Variants in BMPR1B observed in about 807,000 individuals in gnomAD.
BMPR1B encodes the protein bone morphogenetic protein receptor type-1B.
Under a neutral mutation model 59.1 loss-of-function variants are expected in BMPR1B, and 12 were observed. The ratio of observed to expected loss-of-function variants is 0.20; its 90% CI spans 0.13 to 0.33. BMPR1B has a LOEUF of 0.33. BMPR1B is among the 10% of genes least tolerant of loss of function. The pLI, the probability that BMPR1B is intolerant of heterozygous loss-of-function variation, is 1.00. For synonymous variants in BMPR1B, 237 were observed against 207.3 expected (o/e 1.14, Z -1.23); for missense variants, 550 against 610.9 (o/e 0.90, Z 1.05).
intron 10 of BMPR1B, among the ~76,000 whole-genome samples, chr4:95,144,164 C>A (rs1230404191): frequency 6.6e-6 from 1 of 152,066 alleles, no homozygotes; most frequent in East Asian, 1.9e-4. Flanking sequence ...GTTCTATCTC[C>A]ACTGTCCCTA....
At chr4:95,067,445 C>T (rs113209185) in intron 3 of BMPR1B, among the ~76,000 whole-genome samples, 9 of 152,064 alleles carry the variant, frequency 5.9e-5, no homozygotes, top group Non-Finnish European at 1.0e-4. Flanking sequence ...AAAACCTAGT[C>T]GGCCAAGAAG....
intron 2 of BMPR1B, among the ~76,000 whole-genome samples, chr4:94,889,454 G>T (rs1175982282): frequency 6.6e-6 from 1 of 152,004 alleles, no homozygotes; most frequent in South Asian, 2.1e-4. Flanking sequence ...TTGAAATTGG[G>T]GTTTGTACAA....
intron 1 of BMPR1B, among the ~76,000 whole-genome samples, chr4:94,810,061 G>C (rs569343312): frequency 6.6e-6 from 1 of 152,288 alleles, no homozygotes; most frequent in South Asian, 2.1e-4. Context: ...AAATGGCACA[G>C]TCCTTTTTGT....
At chr4:94,885,695 A>C (rs1230217518) in intron 2 of BMPR1B, among the ~76,000 whole-genome samples, 1 of 152,310 alleles carries the variant, frequency 6.6e-6, no homozygotes. Context: ...TTTGAAAAAA[A>C]TCATCTAGGA....
intron 1 of BMPR1B, among the ~76,000 whole-genome samples, chr4:94,795,848 C>T (rs753466930): frequency 4.8e-4 from 73 of 152,132 alleles, no homozygotes; most frequent in Non-Finnish European, 9.0e-4. Context: ...CAAGCAGCCT[C>T]GGACTTTGCT....
intron 2 of BMPR1B, among the ~76,000 whole-genome samples, chr4:94,964,767 G>A (rs1213539695): frequency 1.3e-5 from 2 of 152,180 alleles, no homozygotes; most frequent in Non-Finnish European, 2.9e-5. Context: ...GCCTGTAGCT[G>A]TGGGAAAACC....
intron 1 of BMPR1B, among the ~76,000 whole-genome samples, chr4:94,808,981 G>A (rs1723716157): frequency 6.6e-6 from 1 of 152,070 alleles, no homozygotes; most frequent in Non-Finnish European, 1.5e-5. Flanking sequence ...CTTGTACCTG[G>A]GAGCTGGAGG....
At chr4:94,853,571 G>A (rs1020007096) in intron 1 of BMPR1B, among the ~76,000 whole-genome samples, 1 of 152,046 alleles carries the variant, frequency 6.6e-6, no homozygotes, top group African/African-American at 2.4e-5. Context: ...AACTTTTATT[G>A]TTTTTGGTTT....
chr4:94,795,824 T>C (rs773685513), intron 1 of BMPR1B, among the ~76,000 whole-genome samples: 3 of 152,144 alleles, frequency 2.0e-5, no homozygotes, highest in African/African-American at 2.4e-5. Flanking sequence ...AATGGAGATT[T>C]AGATGACAAC....
chr4:95,059,605 ATCTAC>A (rs1030344364), intron 3 of BMPR1B, among the ~76,000 whole-genome samples: 3 of 150,526 alleles, frequency 2.0e-5, no homozygotes, highest in Non-Finnish European at 4.4e-5. Flanking sequence ...AATATTATTA[ATCTAC>A]TCTACTTAAC....
chr4:94,841,749 G>A (rs913040855), intron 1 of BMPR1B, among the ~76,000 whole-genome samples: 2 of 152,120 alleles, frequency 1.3e-5, no homozygotes, highest in Admixed American at 6.5e-5. Flanking sequence ...GCTGTAGACC[G>A]GAGCTGTTCC....
chr4:94,912,129 T>C (rs540215427), intron 2 of BMPR1B, among the ~76,000 whole-genome samples: 1 of 152,188 alleles, frequency 6.6e-6, no homozygotes, highest in South Asian at 2.1e-4. Flanking sequence ...CTCGTGAGAC[T>C]TATTCACTAT....
At chr4:95,120,699 CTT>C (rs1295140963) in intron 6 of BMPR1B, among the ~76,000 whole-genome samples, 1 of 137,576 alleles carries the variant, frequency 7.3e-6, no homozygotes, top group Non-Finnish European at 1.5e-5. Flanking sequence ...TTCTTTCTCT[CTT>C]TCTCTCTCTC....
chr4:95,130,763 C>T (rs1733289111), intron 9 of BMPR1B, among the ~76,000 whole-genome samples: 2 of 123,656 alleles, frequency 1.6e-5, no homozygotes, highest in Admixed American at 2.1e-4. Flanking sequence ...TAAAGTCTCG[C>T]TCTGTCACCC....
At chr4:94,796,751 AT>A (rs1723210385) in intron 1 of BMPR1B, among the ~76,000 whole-genome samples, 1 of 152,162 alleles carries the variant, frequency 6.6e-6, no homozygotes, top group African/African-American at 2.4e-5. Flanking sequence ...TAGTGACTGT[AT>A]ATTTCCAAAG....
At chr4:95,056,278 G>A (rs1009694287) in intron 3 of BMPR1B, among the ~76,000 whole-genome samples, 1 of 152,006 alleles carries the variant, frequency 6.6e-6, no homozygotes, top group Non-Finnish European at 1.5e-5. Flanking sequence ...AATACATAAG[G>A]ATGATCTTGT....
chr4:94,919,122 C>T (rs1728594706), intron 2 of BMPR1B, among the ~76,000 whole-genome samples: 1 of 152,082 alleles, frequency 6.6e-6, no homozygotes, highest in Non-Finnish European at 1.5e-5. Flanking sequence ...GCCTCTGCTA[C>T]CCCACCAACT....
At chr4:95,135,219 A>G (rs1216568107) in intron 10 of BMPR1B, among the ~76,000 whole-genome samples, 1 of 152,032 alleles carries the variant, frequency 6.6e-6, no homozygotes, top group East Asian at 1.9e-4. Flanking sequence ...CCATTGGTCT[A>G]TATCTCTGTT....
At chr4:94,953,171 G>A (rs1730013450) in intron 2 of BMPR1B, among the ~76,000 whole-genome samples, 1 of 151,986 alleles carries the variant, frequency 6.6e-6, no homozygotes, top group Non-Finnish European at 1.5e-5. Flanking sequence ...CGTGAGATGG[G>A]TTTCCTGAAT....
Sources: gnomAD v4.1 joint callset for allele counts (sites outside exome capture counted in the v4.1 genomes callset) on GRCh38, gnomAD v4.1.1 for gene constraint, MANE v1.5 for transcripts, NCBI Gene and HGNC (gene_info 2026-07-23, HGNC 2026-07-21) for gene names.